Variants in MIGA2 observed in about 807,000 individuals in gnomAD.
MIGA2 encodes family with sequence similarity 73, member B.
In MIGA2, 36 loss-of-function variants were observed where a neutral mutation model predicts 69.9. That is an observed-to-expected ratio of 0.52 (90% CI 0.39 to 0.68). MIGA2 has a LOEUF of 0.68. Among genes scored for constraint, MIGA2 ranks in the 30% least tolerant of loss-of-function variants. The pLI is 0.00. For synonymous variants in MIGA2, 333 were observed against 349.2 expected (o/e 0.95, Z 0.52); for missense variants, 660 against 787.7 (o/e 0.84, Z 1.94).
rs750483840 is a variant in MIGA2, at chr9:129,068,211, G to C, written c.1283G>C (p.Ser428Thr). 1 of 1,613,742 alleles carries C rather than the reference G, an allele frequency of 6.2e-7. No individual in the cohort carries two copies. The highest frequency in any genetic ancestry group is 1.7e-5 in the Admixed American group (1 of 60,008). Reference protein sequence around the residue: ...ELEGRGVVCMSFFDIVLDFIL... With the variant: ...ELEGRGVVCMTFFDIVLDFIL... ...CACCCTCTGTAGGTGGTATGCATGA[G>C]CTTCTTCGACATCGTGCTGGACTTC... Residue 428 changes from serine (S) to threonine (T), a missense_variant, in exon 13 of 16, where the codon AGC (serine) becomes ACC (threonine). Physicochemically the swap from Ser to Thr is moderately conservative, Grantham distance 58. Around this residue, in one of 3 missense-constraint regions of MIGA2, gnomAD observed 220 missense variants for 301.7 expected, o/e 0.73. Coordinates refer to ENST00000684074, the MANE Select transcript of MIGA2 (RefSeq NM_001329990.2). The surrounding 1 kb of genome is among the most constrained non-coding windows in gnomAD (Gnocchi z 4.1).
chr9:129,056,025 C>T (rs1016571616), intron 6 of MIGA2, among the ~76,000 whole-genome samples: 1 of 151,374 alleles, frequency 6.6e-6, no homozygotes, highest in African/African-American at 2.4e-5. Context: ...GTGGTGGGCA[C>T]CTGTAGCCCC....
chr9:129,041,505 A>AT (rs1368938283), intron 2 of MIGA2, among the ~76,000 whole-genome samples: 2 of 152,080 alleles, frequency 1.3e-5, no homozygotes, highest in African/African-American at 4.8e-5. Context: ...AAAAAAAAAA[A>AT]GTTTTTCGTA....
Position 129,060,197 on chromosome 9 carries a change from C to T in MIGA2, c.794-353C>T, listed in dbSNP as rs977982123. On this transcript the variant is annotated intron_variant, in intron 7 of 15. Transcript: ENST00000684074. The surrounding 1 kb of genome is among the most constrained non-coding windows in gnomAD (Gnocchi z 4.8). ...TTGTCAGAGGAGAGAGGCGATTTCC[C>T]CGGGGCCACACAGTTCAAGGTCCTC... is the stretch of plus-strand genomic sequence containing the variant. 6.6e-6 allele frequency among the ~76,000 whole-genome samples: 1 copy of T among 152,252 alleles called. No individual in the cohort carries two copies. The highest frequency in any genetic ancestry group is 1.5e-5 in the Non-Finnish European group (1 of 68,002).
rs765496512 is a variant in MIGA2, at chr9:129,049,996, GGGATAAAGTTGGCAGCACA to G, written c.675+37_675+55del. 2.1e-5 allele frequency: 34 copies of G among 1,587,240 alleles called. No individual in the cohort carries two copies. The Admixed American group carries it at 6.0e-4, about 28-fold the overall frequency. On this transcript the variant is annotated intron_variant, in intron 6 of 15. Transcript: ENST00000684074. ...GTCTTCTGCATCCCCCTACGCCCAT[GGGATAAAGTTGGCAGCACA>G]GGAGAGGGGCGGCCACACCTTGGGA...
intron 2 of MIGA2, chr9:129,042,101 C>T (rs906142361): frequency 1.2e-5 from 7 of 600,946 alleles, no homozygotes; most frequent in South Asian, 2.0e-5. Context: ...GGCATCTTGC[C>T]ATCTTTATGT....
chr9:129,056,842 T>TG (rs2131372155), intron 6 of MIGA2, among the ~76,000 whole-genome samples: 1 of 152,190 alleles, frequency 6.6e-6, no homozygotes, highest in Non-Finnish European at 1.5e-5. Flanking sequence ...AAAACCAGCC[T>TG]GGGCAACATG....
rs1846703486 is a variant in MIGA2, at chr9:129,071,953, TTTTCA to T, written c.*1504_*1508del. The T allele has an allele frequency of 2.6e-5, 4 of 152,844 alleles. No individual in the cohort carries two copies. The South Asian group carries it at 6.2e-4, about 24-fold the overall frequency. The allele number at this position is 152,844 out of a possible 1,614,324, so 9.5% of individuals were successfully genotyped here. ...TTGGCCCCGCCCACTCTGATTTGCA[TTTTCA>T]TTTGTGTTTGTTTACACATCCATGC... On this transcript the variant is annotated 3_prime_UTR_variant, in exon 16 of 16. Coordinates refer to ENST00000684074, the MANE Select transcript of MIGA2 (RefSeq NM_001329990.2).
chr9:129,057,442 C>T (rs1192314454), intron 6 of MIGA2, among the ~76,000 whole-genome samples: 4 of 151,500 alleles, frequency 2.6e-5, no homozygotes, highest in South Asian at 4.2e-4. Flanking sequence ...TACAGGCGCC[C>T]GCCACCATGC....
In MIGA2 at chr9:129,067,884, G is replaced by A. The variant is rs1238280521; in HGVS notation, c.1269+13G>A. ...GGAGGGCCGAGGGGTGAGTTGCTTT[G>A]TGCTGAACCCCGACATCCCGGGCTC... On this transcript the variant is annotated intron_variant, in intron 12 of 15. Coordinates refer to ENST00000684074, the MANE Select transcript of MIGA2 (RefSeq NM_001329990.2). 9 of 1,607,488 alleles carry A rather than the reference G, an allele frequency of 5.6e-6. No homozygotes were observed. The African/African-American group carries it at 8.0e-5, about 14-fold the overall frequency.
chr9:129,055,364 C>T (rs1209395189), intron 6 of MIGA2, among the ~76,000 whole-genome samples: 12 of 151,964 alleles, frequency 7.9e-5, no homozygotes, highest in Non-Finnish European at 1.3e-4. Flanking sequence ...AAGTGTGAGC[C>T]GCTGTGCCCA....
At chr9:129,053,288 C>T (rs1273160631) in intron 6 of MIGA2, among the ~76,000 whole-genome samples, 1 of 152,164 alleles carries the variant, frequency 6.6e-6, no homozygotes, top group Non-Finnish European at 1.5e-5. Context: ...TACAATCCTA[C>T]AAGGGGTGCC....
chr9:129,044,367 G>A (rs548959550), intron 3 of MIGA2, among the ~76,000 whole-genome samples: 43 of 151,652 alleles, frequency 2.8e-4, no homozygotes, highest in Admixed American at 1.8e-3. Context: ...CTGTTCTATC[G>A]TTGTATCACT....
chr9:129,038,827 G>A (rs1034995351), intron 1 of MIGA2, among the ~76,000 whole-genome samples: 4 of 119,922 alleles, frequency 3.3e-5, no homozygotes, highest in Non-Finnish European at 6.3e-5. Flanking sequence ...GCAGAGTCTC[G>A]CTCTGTCACC....
rs1237011635 is a variant in MIGA2 at position 129,059,584 on chromosome 9, C to T, written c.793+313C>T. 6.6e-6 allele frequency among the ~76,000 whole-genome samples: 1 copy of T among 152,166 alleles called. No individual in the cohort carries two copies. Among genetic ancestry groups the T allele is most frequent in the African/African-American group, 2.4e-5 (1 of 41,444 alleles). ...CTCCCTGATGGCTCTCCCAGGCCTT[C>T]GCTTCGAGTCCTTTCCTGTGGCTCA... On this transcript the variant is annotated intron_variant, in intron 7 of 15. Coordinates refer to ENST00000684074, the MANE Select transcript of MIGA2 (RefSeq NM_001329990.2). This position sits in a 1 kb window ranked among gnomAD's most constrained non-coding sequence, Gnocchi z 5.6.
chr9:129,044,347 A>C (rs1172591881), intron 3 of MIGA2, among the ~76,000 whole-genome samples: 5 of 151,980 alleles, frequency 3.3e-5, no homozygotes, highest in African/African-American at 1.2e-4. Context: ...GTCTTAAAAA[A>C]AAAAAAGAAC....
chr9:129,070,734 AC>A lies in MIGA2; in HGVS notation c.*285del, dbSNP rs1846636136. 3 of 477,076 alleles carry A rather than the reference AC, an allele frequency of 6.3e-6. No homozygotes were observed. Among genetic ancestry groups the A allele is most frequent in the Admixed American group, 7.0e-5 (2 of 28,774 alleles). The allele number at this position is 477,076 out of a possible 1,614,324, so 29.6% of individuals were successfully genotyped here. On this transcript the variant is annotated 3_prime_UTR_variant, in exon 16 of 16. Coordinates refer to ENST00000684074, the MANE Select transcript of MIGA2 (RefSeq NM_001329990.2). ...AGAGCCAGGATGCCCCAGGTGGGGG[AC>A]CCCAAAACCTCCCATCGCTCCAGGG...
At chr9:129,049,269 C>A in intron 4 of MIGA2, 112 bp from the exon 5 acceptor site, 1 of 982,398 alleles carries the variant, frequency 1.0e-6, no homozygotes, top group Non-Finnish European at 1.6e-6. Flanking sequence ...TCAGGGATGG[C>A]ATTTGGAGGG....
intron 6 of MIGA2, among the ~76,000 whole-genome samples, chr9:129,057,150 TAATA>T (rs1845838889): frequency 6.6e-6 from 1 of 152,208 alleles, no homozygotes; most frequent in South Asian, 2.1e-4. Flanking sequence ...TCTTCCATAC[TAATA>T]AATGTCCTTT....
At chr9:129,063,654 G>T in intron 11 of MIGA2, 23 bp downstream of exon 11, 5 of 863,554 alleles carry the variant, frequency 5.8e-6, no homozygotes, top group South Asian at 2.6e-5. Context: ...GGGGTGGGGG[G>T]GCAAATTATA....
Sources: gnomAD v4.1 joint callset for allele counts (sites outside exome capture counted in the v4.1 genomes callset) on GRCh38, gnomAD v4.1.1 for gene constraint, gnomAD v4.1.1 regional missense constraint, Gnocchi (gnomAD v3.1) non-coding constraint, MANE v1.5 for transcripts, NCBI Gene and HGNC (gene_info 2026-07-23, HGNC 2026-07-21) for gene names.